STK17A: variants seen among roughly 807,000 people sequenced by gnomAD.
The protein encoded by STK17A is serine/threonine-protein kinase 17A.
A neutral mutation model predicts 43.7 loss-of-function variants in STK17A; 26 were observed. That is an observed-to-expected ratio of 0.60 (90% CI 0.44 to 0.83). The LOEUF (loss-of-function observed/expected upper bound fraction) is 0.83, where lower values mean the gene tolerates loss of function less well. Ranked by LOEUF, STK17A falls within the 40% of genes least tolerant of loss-of-function variation. The pLI, the probability that STK17A is intolerant of heterozygous loss-of-function variation, is 0.00. For missense variants in STK17A, 476 were observed against 511.6 expected (o/e 0.93, Z 0.67); for synonymous variants, 191 against 182.5 (o/e 1.05, Z -0.38).
At chr7:43,603,565 T>C (rs536862516) in intron 2 of STK17A, among the ~76,000 whole-genome samples, 1 of 152,190 alleles carries the variant, frequency 6.6e-6, no homozygotes, top group African/African-American at 2.4e-5. Flanking sequence ...GTTTGAAACT[T>C]TGAGCGCTAA....
chr7:43,624,625 T>C lies in STK17A; in HGVS notation c.1028T>C (p.Leu343Pro). ...AAGGCACTAGAAGAAGCAAATGCCC[T>C]CCAAGAAGGTCATTCTGTGCCTGAA... ...MEKALEEANA[L>P]QEGHSVPEIN... The change falls in exon 7 of 7, where the codon CTC (leucine) becomes CCC (proline). Residue 343 changes from leucine to proline, a missense_variant. By Grantham distance (98) the Leu-to-Pro change is moderately conservative (BLOSUM62 -3). Coordinates refer to ENST00000319357, the MANE Select transcript of STK17A (RefSeq NM_004760.3). 6.2e-7 allele frequency: 1 copy of C among 1,614,070 alleles called. No homozygotes were observed. Among genetic ancestry groups the C allele is most frequent in the South Asian group, 1.1e-5 (1 of 91,072 alleles).
At chr7:43,618,992 T>C (rs1237792515) in intron 3 of STK17A, among the ~76,000 whole-genome samples, 3 of 151,982 alleles carry the variant, frequency 2.0e-5, no homozygotes, top group Non-Finnish European at 4.4e-5. Flanking sequence ...AAGGAAAACA[T>C]TGAGAAAATT....
intron 2 of STK17A, among the ~76,000 whole-genome samples, chr7:43,606,811 A>G (rs1278028247): frequency 6.6e-6 from 1 of 151,838 alleles, no homozygotes; most frequent in Non-Finnish European, 1.5e-5. Context: ...CCACAGTTAA[A>G]CAGGGTTATA....
chr7:43,609,797 C>A (rs369526447), intron 3 of STK17A, among the ~76,000 whole-genome samples: 81 of 152,274 alleles, frequency 5.3e-4, no homozygotes, highest in African/African-American at 1.9e-3. Context: ...GGACCACCCC[C>A]AAAAAACTTT....
chr7:43,596,485 A>G (rs1019533134), intron 2 of STK17A, among the ~76,000 whole-genome samples: 4 of 152,200 alleles, frequency 2.6e-5, no homozygotes, highest in African/African-American at 9.7e-5. Context: ...AGTGGTCTTG[A>G]TTCTTACTAT....
intron 2 of STK17A, among the ~76,000 whole-genome samples, chr7:43,596,602 C>T (rs982820461): frequency 2.6e-5 from 4 of 152,186 alleles, no homozygotes; most frequent in Admixed American, 6.5e-5. Flanking sequence ...CGTGGTGACT[C>T]ATGCCTGTAA....
intron 2 of STK17A, among the ~76,000 whole-genome samples, chr7:43,607,294 T>C (rs2082608093): frequency 1.3e-5 from 2 of 152,122 alleles, no homozygotes; most frequent in Admixed American, 1.3e-4. Flanking sequence ...GTTAGCAGTA[T>C]ATTTTGTGCT....
At chr7:43,594,758 A>T (rs1001279565) in intron 1 of STK17A, among the ~76,000 whole-genome samples, 7 of 152,034 alleles carry the variant, frequency 4.6e-5, no homozygotes, top group African/African-American at 1.7e-4. Context: ...TGTCCCTATT[A>T]TACAGATTAG....
chr7:43,603,027 T>A (rs2082565734), intron 2 of STK17A, among the ~76,000 whole-genome samples: 1 of 152,196 alleles, frequency 6.6e-6, no homozygotes, highest in African/African-American at 2.4e-5. Flanking sequence ...TTTTTCCTCT[T>A]TAACACTCCT....
chr7:43,619,877 G>C (rs1200329938), intron 4 of STK17A, among the ~76,000 whole-genome samples, 154 bp downstream of exon 4: 3 of 152,176 alleles, frequency 2.0e-5, no homozygotes, highest in Admixed American at 6.5e-5. Flanking sequence ...TTTTACAATG[G>C]AAAACGTTCA....
chr7:43,606,598 G>A (rs1425474004), intron 2 of STK17A, among the ~76,000 whole-genome samples: 1 of 152,110 alleles, frequency 6.6e-6, no homozygotes, highest in Non-Finnish European at 1.5e-5. Context: ...TAGTGTTGCT[G>A]TAGTTAAAGA....
rs1386611567 is a variant in STK17A, at chr7:43,619,665, A to G, written c.633A>G (p.Ser211=). ...TTAAGATTGTTGATTTTGGCCTTTCAAGAATATTGAAGAACAGTGAAGAGC... is the reference window on the plus strand; with the variant it reads ...TTAAGATTGTTGATTTTGGCCTTTCGAGAATATTGAAGAACAGTGAAGAGC... The part of the protein sequence containing the change: ...GDIKIVDFGL[S]RILKNSEELR... Residue 211 remains serine (S), a synonymous_variant, in exon 4 of 7, where the codon TCA becomes TCG. Transcript: ENST00000319357. 3.7e-6 allele frequency: 6 copies of G among 1,613,978 alleles called. No individual in the cohort carries two copies. Among genetic ancestry groups the G allele is most frequent in the East Asian group, 2.2e-5 (1 of 44,884 alleles).
chr7:43,583,761 C>T (rs1166805790), intron 1 of STK17A, among the ~76,000 whole-genome samples: 2 of 152,172 alleles, frequency 1.3e-5, no homozygotes, highest in South Asian at 4.1e-4. Flanking sequence ...AGAGAAGGTG[C>T]GGGCCGCGCT....
intron 4 of STK17A, among the ~76,000 whole-genome samples, chr7:43,622,131 G>T (rs549282380): frequency 4.2e-4 from 64 of 152,278 alleles, no homozygotes; most frequent in Non-Finnish European, 6.3e-4. Context: ...GTAAGCTATT[G>T]GTATTTCCTG....
chr7:43,604,625 A>C (rs371264960), intron 2 of STK17A, among the ~76,000 whole-genome samples: 1 of 151,986 alleles, frequency 6.6e-6, no homozygotes, highest in Admixed American at 6.5e-5. Context: ...CCTCTTTCTC[A>C]CTGGTTTTTA....
At chr7:43,611,617 C>T (rs1454428382) in intron 3 of STK17A, among the ~76,000 whole-genome samples, 1 of 152,112 alleles carries the variant, frequency 6.6e-6, no homozygotes, top group Non-Finnish European at 1.5e-5. Flanking sequence ...TTGCTTCCCT[C>T]GGGAACATTT....
intron 2 of STK17A, among the ~76,000 whole-genome samples, chr7:43,602,762 A>C (rs919619762): frequency 2.0e-5 from 3 of 152,128 alleles, no homozygotes; most frequent in Non-Finnish European, 4.4e-5. Context: ...TTGTGGCTTC[A>C]GCTATCATTT....
At position 43,625,134 on chromosome 7, in the gene STK17A, A is replaced by G. The variant is rs1411671648; in HGVS notation, c.*292A>G. On this transcript the variant is annotated 3_prime_UTR_variant, in exon 7 of 7. Transcript: ENST00000319357. Reference sequence around the variant, plus strand: ...CCAGAATGAGAATTTGTGTACAAAGATATTTGTATTCACTTTCTTTAAAAA... The same window carrying G: ...CCAGAATGAGAATTTGTGTACAAAGGTATTTGTATTCACTTTCTTTAAAAA... The G allele has an allele frequency of 4.0e-6, 1 of 249,688 alleles. No individual in the cohort carries two copies. Among genetic ancestry groups the G allele is most frequent in the African/African-American group, 2.3e-5 (1 of 44,440 alleles). 15.5% of individuals were successfully genotyped at this position (249,688 alleles called of 1,614,324 possible).
At chr7:43,598,549 C>A (rs2082535722) in intron 2 of STK17A, among the ~76,000 whole-genome samples, 1 of 151,620 alleles carries the variant, frequency 6.6e-6, no homozygotes, top group African/African-American at 2.4e-5. Flanking sequence ...ATTCTGTACA[C>A]CTCCATTGAT....
Sources: gnomAD v4.1 joint callset for allele counts (sites outside exome capture counted in the v4.1 genomes callset) on GRCh38, gnomAD v4.1.1 for gene constraint, MANE v1.5 for transcripts, NCBI Gene and HGNC (gene_info 2026-07-23, HGNC 2026-07-21) for gene names.